The following PIK3C3 variants were observed in gnomAD, a reference collection of about 807,000 sequenced individuals.
The protein encoded by PIK3C3 is phosphatidylinositol 3-kinase catalytic subunit type 3, also known as PI3-kinase type 3.
PIK3C3 carries 95 observed loss-of-function variants against 126.1 expected under a neutral mutation model. The ratio of observed to expected loss-of-function variants is 0.75; its 90% CI spans 0.64 to 0.89. PIK3C3 has a LOEUF of 0.89. Among genes scored for constraint, PIK3C3 ranks in the 40% least tolerant of loss-of-function variants. PIK3C3 has a pLI of 0.00. For synonymous variants in PIK3C3, 374 were observed against 360.0 expected (o/e 1.04, Z -0.44); for missense variants, 829 against 1,063.2 (o/e 0.78, Z 3.06).
chr18:42,046,270 CT>C (rs1984553670), intron 20 of PIK3C3, among the ~76,000 whole-genome samples: 1 of 152,054 alleles, frequency 6.6e-6, no homozygotes, highest in Non-Finnish European at 1.5e-5. Flanking sequence ...ACAAAATAAT[CT>C]GTTTTTGTGT....
At chr18:42,022,365 T>C (rs1567987341) in intron 13 of PIK3C3, among the ~76,000 whole-genome samples, 1 of 152,108 alleles carries the variant, frequency 6.6e-6, no homozygotes, top group Non-Finnish European at 1.5e-5. Flanking sequence ...AATTCCCACC[T>C]GTGAGTGAGA....
intron 24 of PIK3C3, among the ~76,000 whole-genome samples, chr18:42,076,102 A>G (rs754685706): frequency 1.1e-3 from 76 of 68,852 alleles, no homozygotes; most frequent in Non-Finnish European, 1.7e-3. Flanking sequence ...ATATATATAT[A>G]TATATATATA....
intron 20 of PIK3C3, among the ~76,000 whole-genome samples, chr18:42,045,720 A>G (rs752712268): frequency 6.6e-6 from 1 of 152,218 alleles, no homozygotes; most frequent in African/African-American, 2.4e-5. Flanking sequence ...CGGAATATAT[A>G]TAGATCCAAG....
chr18:42,020,631 C>A lies in PIK3C3; in HGVS notation c.1417-7C>A. 1.3e-6 allele frequency: 2 copies of A among 1,580,698 alleles called. 1 individual carries two copies. Among genetic ancestry groups the A allele is most frequent in the Non-Finnish European group, 1.7e-6 (2 of 1,156,744 alleles). On this transcript the variant is annotated splice_polypyrimidine_tract_variant and splice_region_variant and intron_variant, in intron 12 of 24. Coordinates refer to ENST00000262039, the MANE Select transcript of PIK3C3 (RefSeq NM_002647.4). ...AATATATAATACATTTCTTTTAATT[C>A]TTTCAGCAAGATCTCTGTACCTTCT... is the stretch of plus-strand genomic sequence containing the variant.
Position 41,990,477 on chromosome 18 carries a change from A to C in PIK3C3, c.637A>C (p.Asn213His), listed in dbSNP as rs1213696749. 1 of 1,591,664 alleles carries C rather than the reference A, an allele frequency of 6.3e-7. No individual in the cohort carries two copies. The highest frequency in any genetic ancestry group is 8.6e-7 in the Non-Finnish European group (1 of 1,160,862). Residue 213 changes from asparagine to histidine, a missense_variant, in exon 6 of 25, where the codon AAT becomes CAT. Around this residue, in one of 4 missense-constraint regions of PIK3C3, gnomAD observed 313 missense variants for 340.7 expected, o/e 0.92. Coordinates refer to ENST00000262039, the MANE Select transcript of PIK3C3 (RefSeq NM_002647.4). ...MINESEKRSS[N>H]FMYLMVEFRC... is the part of the protein sequence containing the mutation. ...TTTTCAGAGTGAAAAACGAAGTTCT[A>C]ATTTCATGTACCTGATGGTTGAATT...
At position 42,043,725 on chromosome 18, in the gene PIK3C3, C is replaced by G. The variant is rs867226557; in HGVS notation, c.2104-8C>G. Reference sequence around the variant, plus strand: ...TAATTCTAAAACATGTAAATAATGTCTTTTCAGAACTTTTTTAGAAAATAT... The same window carrying G: ...TAATTCTAAAACATGTAAATAATGTGTTTTCAGAACTTTTTTAGAAAATAT... On this transcript the variant is annotated splice_region_variant and splice_polypyrimidine_tract_variant and intron_variant, in intron 19 of 24. Coordinates refer to ENST00000262039, the MANE Select transcript of PIK3C3 (RefSeq NM_002647.4). 24 of 1,590,422 alleles carry G rather than the reference C, an allele frequency of 1.5e-5. No individual in the cohort carries two copies. In the Middle Eastern group the frequency reaches 9.9e-4, roughly 66 times the overall value.
At chr18:41,979,523 A>G (rs16975474) in intron 4 of PIK3C3, among the ~76,000 whole-genome samples, 34,050 of 152,066 alleles carry the variant, frequency 0.22, 4,298 homozygotes, top group South Asian at 0.4. Flanking sequence ...TATCAAATTG[A>G]TGATTTATAT....
chr18:42,041,578 C>T (rs1164135495), intron 19 of PIK3C3, among the ~76,000 whole-genome samples: 1 of 128,876 alleles, frequency 7.8e-6, no homozygotes. Flanking sequence ...AATTTTCCTG[C>T]TTCCCTTTGT....
rs1052068715 is a variant in PIK3C3 at position 42,081,598 on chromosome 18, T to G, written c.*461T>G. 2 of 158,500 alleles carry G rather than the reference T, an allele frequency of 1.3e-5. No homozygotes were observed. The highest frequency in any genetic ancestry group is 4.8e-5 in the African/African-American group (2 of 41,700). The allele number at this position is 158,500 out of a possible 1,614,324, so 9.8% of individuals were successfully genotyped here. ...CTTTCCTCTCTCTTCTCCCACTCAC[T>G]TTTGTGTGTTGTTTGTTTTTGCCTA... On this transcript the variant is annotated 3_prime_UTR_variant, in exon 25 of 25. Coordinates refer to ENST00000262039, the MANE Select transcript of PIK3C3 (RefSeq NM_002647.4).
intron 21 of PIK3C3, among the ~76,000 whole-genome samples, chr18:42,057,278 A>G (rs1005221833): frequency 3.7e-5 from 4 of 108,400 alleles, no homozygotes; most frequent in African/African-American, 1.5e-4. Flanking sequence ...ACTATACATT[A>G]CTCTTACTAT....
At chr18:41,993,524 A>G (rs1039674972) in intron 7 of PIK3C3, among the ~76,000 whole-genome samples, 183 bp downstream of exon 7, 1 of 152,116 alleles carries the variant, frequency 6.6e-6, no homozygotes, top group African/African-American at 2.4e-5. Flanking sequence ...GAATATTAAC[A>G]TCTTAAAACT....
chr18:42,015,928 A>G (rs1024791597), intron 12 of PIK3C3, among the ~76,000 whole-genome samples: 2 of 152,192 alleles, frequency 1.3e-5, no homozygotes, highest in Admixed American at 6.5e-5. Flanking sequence ...TAACTTTGAT[A>G]TTAGAGTTAA....
rs1156298124 is a variant in PIK3C3 at position 42,086,914 on chromosome 18, C to T, written c.*5777C>T. ...TTATGGACTCCCCTGAATTCTTCTG[C>T]AGGAGATCCAAGAACCCTCTCTTGG... On this transcript the variant is annotated 3_prime_UTR_variant, in exon 25 of 25. Transcript: ENST00000262039. The T allele has an allele frequency of 1.3e-5, 2 of 152,214 alleles. No homozygotes were observed. Among genetic ancestry groups the T allele is most frequent in the Non-Finnish European group, 2.9e-5 (2 of 68,038 alleles). 9.4% of individuals were successfully genotyped at this position (152,214 alleles called of 1,614,324 possible).
In PIK3C3 at chr18:42,067,384, A is replaced by G. The variant is rs150442957; in HGVS notation, c.2524-4A>G. 2 of 1,613,788 alleles carry G rather than the reference A, an allele frequency of 1.2e-6. No homozygotes were observed. Among genetic ancestry groups the G allele is most frequent in the Admixed American group, 1.7e-5 (1 of 60,006 alleles). Reference sequence around the variant, plus strand: ...TTGTAAAGACTAAGAGTGTTATCTTATAGGTTCAGGATAAATTCCGCTTAG... The same window carrying G: ...TTGTAAAGACTAAGAGTGTTATCTTGTAGGTTCAGGATAAATTCCGCTTAG... On this transcript the variant is annotated splice_region_variant and splice_polypyrimidine_tract_variant and intron_variant, in intron 23 of 24. Transcript: ENST00000262039.
chr18:42,052,233 C>A (rs1229235795), intron 21 of PIK3C3, among the ~76,000 whole-genome samples: 1 of 151,936 alleles, frequency 6.6e-6, no homozygotes, highest in East Asian at 1.9e-4. Flanking sequence ...GCGTAATACA[C>A]TTTTTTGGCC....
intron 24 of PIK3C3, among the ~76,000 whole-genome samples, chr18:42,067,956 G>A (rs1423614954): frequency 6.6e-6 from 1 of 152,150 alleles, no homozygotes; most frequent in Non-Finnish European, 1.5e-5. Flanking sequence ...ATAAGTGAGG[G>A]ATTACCCCTT....
chr18:42,006,902 C>T (rs1598889061), intron 10 of PIK3C3, among the ~76,000 whole-genome samples: 1 of 117,718 alleles, frequency 8.5e-6, no homozygotes, highest in Non-Finnish European at 1.6e-5. Flanking sequence ...CTTGCTCTGT[C>T]TCCTAGGCTG....
chr18:42,020,708 A>G lies in PIK3C3; in HGVS notation c.1484+3A>G. ...ACACTGGCTAATTATTTATACTGGT[A>G]TGTAAAAATAATTTTCTGTTTATTT... On this transcript the variant is annotated splice_donor_region_variant and intron_variant, in intron 13 of 24. Transcript: ENST00000262039. 1 of 1,522,470 alleles carries G rather than the reference A, an allele frequency of 6.6e-7. No individual in the cohort carries two copies. The highest frequency in any genetic ancestry group is 9.1e-7 in the Non-Finnish European group (1 of 1,102,588). 94.3% of individuals were successfully genotyped at this position (1,522,470 alleles called of 1,614,324 possible).
At chr18:42,076,223 C>CAT (rs562658517) in intron 24 of PIK3C3, among the ~76,000 whole-genome samples, 2 of 133,464 alleles carry the variant, frequency 1.5e-5, no homozygotes, top group Non-Finnish European at 1.6e-5. Flanking sequence ...TATATATATG[C>CAT]ATATATATAT....
Sources: allele counts gnomAD v4.1 joint callset (sites outside exome capture counted in the v4.1 genomes callset), GRCh38; gene constraint gnomAD v4.1.1; regional missense constraint gnomAD v4.1.1; transcripts MANE v1.5; gene names NCBI Gene and HGNC (gene_info 2026-07-23, HGNC 2026-07-21).